COL4A2: variants seen among roughly 807,000 people sequenced by gnomAD.
COL4A2 encodes the protein collagen alpha-2(IV) chain.
In COL4A2, 99 loss-of-function variants were observed where a neutral mutation model predicts 200.2. The ratio of observed to expected loss-of-function variants is 0.49; its 90% confidence interval spans 0.42 to 0.58. The LOEUF (loss-of-function observed/expected upper bound fraction) is 0.58. COL4A2 is among the 20% of genes least tolerant of loss of function. COL4A2 has a pLI of 0.00. For missense variants in COL4A2, 1,950 were observed against 2,314.1 expected (o/e 0.84, Z 3.23); for synonymous variants, 897 against 900.6 (o/e 1.00, Z 0.07).
In COL4A2 at chr13:110,465,432, G is replaced by T; in HGVS notation, c.1804G>T (p.Asp602Tyr). Residue 602 changes from aspartate to tyrosine, a missense_variant, in exon 25 of 48, where the codon GAC becomes TAC. By Grantham distance (160) the Asp-to-Tyr change is radical. Coordinates refer to ENST00000360467, the MANE Select transcript of COL4A2 (RefSeq NM_001846.4). ...PGDGIKGPPG[D>Y]PGYPGIPGTK... is the part of the protein sequence containing the mutation. ...TGATGGCATCAAGGGCCCTCCAGGG[G>T]ACCCAGGCTATCCAGGAATACCTGG... is the stretch of plus-strand genomic sequence containing the variant. The T allele has an allele frequency of 6.2e-7, 1 of 1,613,522 alleles. No homozygotes were observed. The highest frequency in any genetic ancestry group is 8.5e-7 in the Non-Finnish European group (1 of 1,179,856).
chr13:110,408,850 TAC>T (rs1879695994), intron 4 of COL4A2, among the ~76,000 whole-genome samples: 1 of 77,094 alleles, frequency 1.3e-5, no homozygotes, highest in Admixed American at 1.4e-4. Context: ...CGCACACATA[TAC>T]ACACATACAC....
At chr13:110,476,390 TC>T (rs1260514643) in intron 29 of COL4A2, among the ~76,000 whole-genome samples, 5 of 152,236 alleles carry the variant, frequency 3.3e-5, no homozygotes, top group African/African-American at 7.2e-5. Context: ...AACCGATGCA[TC>T]CGTGCATCTT....
chr13:110,476,433 T>C (rs1209817032), intron 29 of COL4A2, among the ~76,000 whole-genome samples: 1 of 152,192 alleles, frequency 6.6e-6, no homozygotes, highest in African/African-American at 2.4e-5. Flanking sequence ...CGGCTTCGAG[T>C]GCGCCTCCTG....
In COL4A2 at chr13:110,471,230, C is replaced by T. The variant is rs544719432; in HGVS notation, c.2204-1699C>T. Among the ~76,000 whole-genome samples the T allele has an allele frequency of 6.5e-4, 99 of 152,282 alleles. 1 individual carries two copies. In the South Asian group the frequency reaches 0.019, roughly 30 times the overall value. On this transcript the variant is annotated intron_variant, in intron 28 of 47. Coordinates refer to ENST00000360467, the MANE Select transcript of COL4A2 (RefSeq NM_001846.4). ...CAGCCATGTGTGCGTGAACGCCACA[C>T]GGGGCTCCCCTGTAGGGGGGAATGG...
chr13:110,319,126 G>A (rs943742801), intron 3 of COL4A2, among the ~76,000 whole-genome samples: 3 of 151,988 alleles, frequency 2.0e-5, no homozygotes, highest in African/African-American at 4.8e-5. Flanking sequence ...GGGCCTGTGG[G>A]GGGAGGTTTT....
At position 110,492,187 on chromosome 13, in the gene COL4A2, C is replaced by T. The variant is rs781286656; in HGVS notation, c.3562+10C>T. 30 of 1,549,742 alleles carry T rather than the reference C, an allele frequency of 1.9e-5. No individual in the cohort carries two copies. The highest frequency in any genetic ancestry group is 1.7e-4 in the Middle Eastern group (1 of 6,006). The stretch of plus-strand genomic sequence containing the variant: ...GCTCCGGGCTTACCAGGTAAGGTCA[C>T]GTAAAACACGTGGTCACCCAGACCC... On this transcript the variant is annotated intron_variant, in intron 38 of 47. Coordinates refer to ENST00000360467, the MANE Select transcript of COL4A2 (RefSeq NM_001846.4).
chr13:110,470,377 C>G (rs1159940934), intron 28 of COL4A2, among the ~76,000 whole-genome samples: 2 of 152,150 alleles, frequency 1.3e-5, no homozygotes, highest in Admixed American at 6.5e-5. Flanking sequence ...TTGGAACCCT[C>G]TTGTTGCTAG....
Position 110,403,181 on chromosome 13 carries a change from G to C in COL4A2, c.181-21553G>C, listed in dbSNP as rs138632317. 1.7e-4 allele frequency among the ~76,000 whole-genome samples: 26 copies of C among 152,268 alleles called. No homozygotes were observed. The East Asian group carries it at 4.8e-3, about 28-fold the overall frequency. On this transcript the variant is annotated intron_variant, in intron 4 of 47. Transcript: ENST00000360467. The stretch of plus-strand genomic sequence containing the variant: ...CAAATGTTTGCTTGGCTACAATCTC[G>C]ATGTTCTCTGCTGAACATGTTTTCT...
At chr13:110,384,465 C>A (rs1336097381) in intron 4 of COL4A2, among the ~76,000 whole-genome samples, 4 of 152,220 alleles carry the variant, frequency 2.6e-5, no homozygotes, top group Admixed American at 1.3e-4. Context: ...AGTCACACGT[C>A]AGATGGACTC....
At position 110,474,745 on chromosome 13, in the gene COL4A2, C is replaced by T. The variant is rs1455288994; in HGVS notation, c.2425+1595C>T. ...CACACGCACGTACCCACACACGTGC[C>T]GTGCACACTCACACATCACACACGC... On this transcript the variant is annotated intron_variant, in intron 29 of 47. Transcript: ENST00000360467. Among the ~76,000 whole-genome samples, 9 of 59,372 alleles carry T rather than the reference C, an allele frequency of 1.5e-4. 3 individuals are homozygous for T. The highest frequency in any genetic ancestry group is 4.8e-4 in the Admixed American group (3 of 6,194). 39.0% of individuals were successfully genotyped at this position (59,372 alleles called of 152,430 possible). A position where few individuals can be genotyped will look rare whatever the true frequency, so the allele number is the denominator to read the frequency against.
chr13:110,478,104 T>C lies in COL4A2; in HGVS notation c.2527T>C (p.Phe843Leu). ...GTATGGGCCTCCAGGACTGCATGGA[T>C]TCCCAGGAGCTCCTGGCCAAGAGGG... ...GLYGPPGLHG[F>L]PGAPGQEGPL... Residue 843 changes from phenylalanine (F) to leucine (L), a missense_variant, in exon 30 of 48, where the codon TTC (phenylalanine) becomes CTC (leucine). Phe to Leu is a conservative substitution (Grantham distance 22). Coordinates refer to ENST00000360467, the MANE Select transcript of COL4A2 (RefSeq NM_001846.4). The C allele has an allele frequency of 6.2e-7, 1 of 1,603,992 alleles. No individual in the cohort carries two copies. The highest frequency in any genetic ancestry group is 8.5e-7 in the Non-Finnish European group (1 of 1,174,222).
chr13:110,357,909 G>A (rs137964943), intron 4 of COL4A2, among the ~76,000 whole-genome samples: 328 of 152,330 alleles, frequency 2.2e-3, no homozygotes, highest in African/African-American at 7.7e-3. Flanking sequence ...CTCTGTCTGC[G>A]TTGGGGAGTG....
intron 24 of COL4A2, 22 bp downstream of exon 24, chr13:110,462,406 C>G: frequency 6.2e-7 from 1 of 1,608,360 alleles, no homozygotes; most frequent in Non-Finnish European, 8.5e-7. Context: ...CAAACTGCGG[C>G]AGCTCCGTCC....
rs183020891 is a variant in COL4A2, at chr13:110,413,586, C to T, written c.181-11148C>T. Among the ~76,000 whole-genome samples, 3 of 152,318 alleles carry T rather than the reference C, an allele frequency of 2.0e-5. No individual in the cohort carries two copies. The East Asian group carries it at 5.8e-4, about 29-fold the overall frequency. On this transcript the variant is annotated intron_variant, in intron 4 of 47. Coordinates refer to ENST00000360467, the MANE Select transcript of COL4A2 (RefSeq NM_001846.4). ...GAGAAACTGGCCCAACCGCTAGGCA[C>T]TCAGTTAGACTGGAGAGTGCAGTGC...
Position 110,503,211 on chromosome 13 carries a change from G to A in COL4A2, c.3968G>A (p.Gly1323Glu). Residue 1323 changes from glycine to glutamate, a missense_variant, in exon 42 of 48, where the codon GGG becomes GAG. Physicochemically the swap from Gly to Glu is moderately conservative, Grantham distance 98. Coordinates refer to ENST00000360467, the MANE Select transcript of COL4A2 (RefSeq NM_001846.4). The part of the protein sequence containing the change: ...TGNPGAPGTP[G>E]TKGWAGDSGP... ...AACCCAGGAGCTCCAGGAACCCCAG[G>A]GACCAAAGGATGGGCCGGGGACTCC... The A allele has an allele frequency of 6.2e-7, 1 of 1,613,964 alleles. No homozygotes were observed. The highest frequency in any genetic ancestry group is 8.5e-7 in the Non-Finnish European group (1 of 1,179,978).
At chr13:110,473,340 G>A (rs957884584) in intron 29 of COL4A2, 190 bp downstream of exon 29, 9 of 549,550 alleles carry the variant, frequency 1.6e-5, no homozygotes, top group East Asian at 6.6e-5. Context: ...GACTACCCAC[G>A]GTAGCCAGTG....
intron 3 of COL4A2, among the ~76,000 whole-genome samples, chr13:110,330,181 C>G (rs1433839362): frequency 6.6e-6 from 1 of 152,066 alleles, no homozygotes. Flanking sequence ...TTTTGTTTTG[C>G]GAGTCACTCT....
intron 3 of COL4A2, among the ~76,000 whole-genome samples, chr13:110,355,757 C>T (rs376681863): frequency 9.3e-5 from 4 of 43,128 alleles, no homozygotes; most frequent in Non-Finnish European, 1.4e-4. Context: ...GGGAGGGCTG[C>T]ACTAGCTCAC....
chr13:110,352,113 T>C (rs575307445), intron 3 of COL4A2, among the ~76,000 whole-genome samples: 1 of 152,326 alleles, frequency 6.6e-6, no homozygotes, highest in East Asian at 1.9e-4. Context: ...ATGATGATGA[T>C]GACGATGATG....
Sources: gnomAD v4.1 joint callset for allele counts (sites outside exome capture counted in the v4.1 genomes callset) on GRCh38, gnomAD v4.1.1 for gene constraint, MANE v1.5 for transcripts, NCBI Gene and HGNC (gene_info 2026-07-23, HGNC 2026-07-21) for gene names.